The following RIMS2 variants were observed in gnomAD, a reference collection of about 807,000 sequenced individuals.
The protein encoded by RIMS2 is regulating synaptic membrane exocytosis protein 2.
RIMS2 carries 59 observed loss-of-function variants against 174.4 expected under a neutral mutation model. That is an observed-to-expected ratio of 0.34 (90% CI 0.27 to 0.42). The LOEUF (loss-of-function observed/expected upper bound fraction) is 0.42. Ranked by LOEUF, RIMS2 falls within the 10% of genes least tolerant of loss-of-function variation. The pLI is 1.00. For synonymous variants in RIMS2, 606 were observed against 572.5 expected, an observed-to-expected ratio of 1.06 and a Z score of -0.84; for missense variants, 1,620 against 1,666.3, an observed-to-expected ratio of 0.97 and a Z score of 0.48.
intron 2 of RIMS2, among the ~76,000 whole-genome samples, chr8:103,754,736 A>C (rs2097955789): frequency 6.6e-6 from 1 of 152,108 alleles, no homozygotes; most frequent in Admixed American, 6.5e-5. Flanking sequence ...GTTTTATCAG[A>C]GACTAGGATT....
At chr8:103,626,534 A>G (rs542276171) in intron 1 of RIMS2, among the ~76,000 whole-genome samples, 2 of 152,348 alleles carry the variant, frequency 1.3e-5, no homozygotes, top group African/African-American at 4.8e-5. Flanking sequence ...AAATTATTCC[A>G]AACAGCTGTT....
intron 19 of RIMS2, among the ~76,000 whole-genome samples, chr8:104,043,774 G>C (rs2096648209): frequency 6.6e-6 from 1 of 151,616 alleles, no homozygotes; most frequent in Non-Finnish European, 1.5e-5. Context: ...TTCCAAGATG[G>C]AGCATGGATT....
chr8:103,997,553 G>C (rs2095176624), intron 17 of RIMS2, among the ~76,000 whole-genome samples: 2 of 151,636 alleles, frequency 1.3e-5, no homozygotes, highest in Non-Finnish European at 3.0e-5. Context: ...TGTGCTGCTT[G>C]GATTGCTTAT....
intron 1 of RIMS2, among the ~76,000 whole-genome samples, chr8:103,507,901 T>C (rs1447519199): frequency 6.6e-6 from 1 of 152,052 alleles, no homozygotes; most frequent in Non-Finnish European, 1.5e-5. Context: ...GGACAGATAA[T>C]CTAAGGCCAA....
At chr8:103,631,542 A>G (rs1458591282) in intron 1 of RIMS2, among the ~76,000 whole-genome samples, 1 of 152,186 alleles carries the variant, frequency 6.6e-6, no homozygotes, top group African/African-American at 2.4e-5. Context: ...GCCTTGTAGT[A>G]TAGTTCAAAG....
intron 19 of RIMS2, among the ~76,000 whole-genome samples, chr8:104,117,800 C>T (rs2098303089): frequency 6.6e-6 from 1 of 152,168 alleles, no homozygotes; most frequent in East Asian, 1.9e-4. Context: ...CTTATTTCTT[C>T]TAGTACTTAG....
At chr8:103,680,933 G>A (rs1289485448) in intron 1 of RIMS2, among the ~76,000 whole-genome samples, 1 of 151,972 alleles carries the variant, frequency 6.6e-6, no homozygotes, top group Non-Finnish European at 1.5e-5. Context: ...AAAGTATCTA[G>A]TGAATGTTAG....
intron 3 of RIMS2, 133 bp from the exon 7 acceptor site, chr8:103,885,165 C>T: frequency 1.6e-6 from 2 of 1,275,634 alleles, no homozygotes; most frequent in Non-Finnish European, 2.1e-6. Context: ...CATTGTTACG[C>T]TATGCCTTTA....
rs557650739 is a variant in RIMS2, at chr8:104,120,553, A to G, written c.3334+105938A>G. 5.9e-5 allele frequency among the ~76,000 whole-genome samples: 9 copies of G among 152,270 alleles called. 1 individual carries two copies. In the South Asian group the frequency reaches 1.9e-3, roughly 32 times the overall value. ...TCAGAAGTGTGTATTGCCTTAGATT[A>G]AATAAGTAACCTGTTAGCAAAAAAA... On this transcript the variant is annotated intron_variant, in intron 19 of 23. Transcript: ENST00000504942.
At chr8:103,885,745 G>A (rs184923024) in exon 4 of RIMS2, 1 of 1,612,964 alleles carries the variant, frequency 6.2e-7, no homozygotes, top group Admixed American at 1.7e-5. Flanking sequence ...AAGATTCCAG[G>A]ATTTCTATGC....
At chr8:103,621,784 T>C (rs1353173341) in intron 1 of RIMS2, among the ~76,000 whole-genome samples, 3 of 152,196 alleles carry the variant, frequency 2.0e-5, no homozygotes, top group Non-Finnish European at 4.4e-5. Flanking sequence ...TCAGAAGGAA[T>C]GGATGTAGGA....
chr8:103,876,921 C>CAT (rs2154515699), intron 3 of RIMS2, among the ~76,000 whole-genome samples: 1 of 78,234 alleles, frequency 1.3e-5, no homozygotes, highest in African/African-American at 4.3e-5. Context: ...CACACACACC[C>CAT]CCATATACAT....
intron 14 of RIMS2, among the ~76,000 whole-genome samples, chr8:103,955,545 C>T (rs1490063039): frequency 6.6e-6 from 1 of 152,148 alleles, no homozygotes; most frequent in Non-Finnish European, 1.5e-5. Context: ...AAACAAAATT[C>T]AACACCCCTT....
chr8:104,106,037 CA>C (rs575916023), intron 19 of RIMS2, among the ~76,000 whole-genome samples: 113 of 56,896 alleles, frequency 2.0e-3, no homozygotes, highest in African/African-American at 4.7e-3. Context: ...GACTCTGCCA[CA>C]AAAAAAAAAA....
chr8:104,163,464 G>A lies in RIMS2; in HGVS notation c.3335-81452G>A, dbSNP rs72685023. 8.5e-3 allele frequency among the ~76,000 whole-genome samples: 1,300 copies of A among 152,248 alleles called. 12 individuals are homozygous for A. The highest frequency in any genetic ancestry group is 0.015 in the Non-Finnish European group (1,008 of 68,008). ...ATTACGAAGCTTGCCTTGATGAAAA[G>A]TTCCAATGATATACGAGTTTATTGC... is the stretch of plus-strand genomic sequence containing the variant. On this transcript the variant is annotated intron_variant, in intron 19 of 23. Coordinates refer to ENST00000504942, the Ensembl canonical transcript of RIMS2.
chr8:103,738,831 A>C (rs1227047892), intron 2 of RIMS2, among the ~76,000 whole-genome samples: 1 of 151,862 alleles, frequency 6.6e-6, no homozygotes, highest in African/African-American at 2.4e-5. Context: ...ACAACAAGAT[A>C]CCATCTCACA....
intron 4 of RIMS2, among the ~76,000 whole-genome samples, chr8:103,907,544 G>C (rs1007174595): frequency 5.9e-5 from 9 of 151,312 alleles, no homozygotes; most frequent in African/African-American, 1.9e-4. Context: ...TCTGCATGCT[G>C]TTTCTGAATC....
chr8:104,152,158 A>G (rs746414122), intron 19 of RIMS2, among the ~76,000 whole-genome samples: 3 of 152,176 alleles, frequency 2.0e-5, no homozygotes, highest in African/African-American at 7.2e-5. Context: ...TGTCTCAAAA[A>G]CATTGTGATG....
At chr8:103,718,428 G>A (rs1454943735) in intron 2 of RIMS2, among the ~76,000 whole-genome samples, 1 of 152,122 alleles carries the variant, frequency 6.6e-6, no homozygotes, top group South Asian at 2.1e-4. Context: ...GGTGTAATTT[G>A]TCTTCTAGTG....
Sources: gnomAD v4.1 joint callset for allele counts (sites outside exome capture counted in the v4.1 genomes callset) on GRCh38, gnomAD v4.1.1 for gene constraint, MANE v1.5 for transcripts, NCBI Gene and HGNC (gene_info 2026-07-23, HGNC 2026-07-21) for gene names.